CSMD1: variants seen among roughly 807,000 people sequenced by gnomAD.
CSMD1 encodes CUB and Sushi multiple domains 1.
CSMD1 carries 213 observed loss-of-function variants against 417.5 expected under a neutral mutation model. The observed-to-expected ratio is 0.51, with a 90% CI of 0.46 to 0.57. CSMD1 has a LOEUF of 0.57. Ranked by LOEUF, CSMD1 falls within the 20% of genes least tolerant of loss-of-function variation. CSMD1 has a pLI of 0.00. For missense variants in CSMD1, 6,923 were observed against 4,529.7 expected (o/e 1.53, Z -15.17); for synonymous variants, 2,862 against 1,736.8 (o/e 1.65, Z -16.11).
At chr8:4,698,598 A>ATTTTTTT (rs3990377) in intron 1 of CSMD1, among the ~76,000 whole-genome samples, 1 of 145,866 alleles carries the variant, frequency 6.9e-6, no homozygotes, top group African/African-American at 2.6e-5. Context: ...AATGATAGAA[A>ATTTTTTT]TTTTTTTTTT....
intron 28 of CSMD1, among the ~76,000 whole-genome samples, chr8:3,222,757 A>G (rs1255635000): frequency 6.6e-6 from 1 of 152,242 alleles, no homozygotes; most frequent in African/African-American, 2.4e-5. Flanking sequence ...GTAATAGCTG[A>G]GTAACATTTG....
intron 3 of CSMD1, among the ~76,000 whole-genome samples, chr8:4,086,113 A>G (rs377513023): frequency 3.9e-4 from 59 of 152,338 alleles, no homozygotes; most frequent in African/African-American, 1.4e-3. Context: ...TAGTTATTCT[A>G]TGAGGTAGAT....
chr8:4,208,231 A>G (rs976103562), intron 3 of CSMD1, among the ~76,000 whole-genome samples: 1 of 152,160 alleles, frequency 6.6e-6, no homozygotes, highest in African/African-American at 2.4e-5. Flanking sequence ...TTTGAAAGGT[A>G]ACTGCTCCTG....
At chr8:3,471,987 A>G (rs35542721) in intron 11 of CSMD1, among the ~76,000 whole-genome samples, 66,202 of 151,646 alleles carry the variant, frequency 0.44, 14,706 homozygotes, top group East Asian at 0.58. Context: ...TCAGCACCCT[A>G]CTCATCTGTG....
chr8:4,664,414 A>C (rs558875396), intron 1 of CSMD1, among the ~76,000 whole-genome samples: 11 of 152,034 alleles, frequency 7.2e-5, no homozygotes, highest in Admixed American at 1.3e-4. Flanking sequence ...ACGAAAATTG[A>C]ATGTTCCTGG....
chr8:3,723,765 G>T (rs1043498878), intron 6 of CSMD1, among the ~76,000 whole-genome samples: 1 of 152,116 alleles, frequency 6.6e-6, no homozygotes, highest in Admixed American at 6.5e-5. Context: ...ACTAACATTT[G>T]AAAGAGATGC....
chr8:4,660,564 A>G (rs73190836), intron 1 of CSMD1, among the ~76,000 whole-genome samples: 3,405 of 152,260 alleles, frequency 0.022, 61 homozygotes, highest in Non-Finnish European at 0.036. Context: ...GGAATACCTA[A>G]AATAATTTTA....
At chr8:3,392,387 C>G (rs923558237) in intron 17 of CSMD1, among the ~76,000 whole-genome samples, 15 of 152,118 alleles carry the variant, frequency 9.9e-5, no homozygotes, top group African/African-American at 3.6e-4. Context: ...GTGCCTGCAT[C>G]TTGGCTTCAG....
intron 3 of CSMD1, among the ~76,000 whole-genome samples, chr8:4,090,685 T>A (rs1800670776): frequency 6.6e-6 from 1 of 152,222 alleles, no homozygotes; most frequent in African/African-American, 2.4e-5. Flanking sequence ...TTTCCTAATT[T>A]TATCTCTAGT....
At chr8:4,900,677 T>C (rs190474855) in intron 1 of CSMD1, among the ~76,000 whole-genome samples, 2 of 152,332 alleles carry the variant, frequency 1.3e-5, no homozygotes, top group Admixed American at 1.3e-4. Flanking sequence ...TCCAAGGAGA[T>C]TTGCAAATGT....
chr8:4,149,455 G>A (rs1341777736), intron 3 of CSMD1, among the ~76,000 whole-genome samples: 1 of 152,066 alleles, frequency 6.6e-6, no homozygotes, highest in South Asian at 2.1e-4. Flanking sequence ...GCCAATAAAA[G>A]GAAATCTTCC....
chr8:4,498,649 T>C lies in CSMD1; in HGVS notation c.303-78584A>G, dbSNP rs1025129690. Among the ~76,000 whole-genome samples, 16 of 152,336 alleles carry C rather than the reference T, an allele frequency of 1.1e-4. No homozygotes were observed. The South Asian group carries it at 3.3e-3, about 32-fold the overall frequency. On this transcript the variant is annotated intron_variant, in intron 2 of 69. Coordinates refer to ENST00000635120, the MANE Select transcript of CSMD1 (RefSeq NM_033225.6). ...AAATAAAGTTACTTCTTTCTAATTT[T>C]ATCTGCAAAGAGGGAGCTCATGTTT...
At chr8:3,787,874 G>T (rs373260112) in intron 5 of CSMD1, among the ~76,000 whole-genome samples, 1 of 152,202 alleles carries the variant, frequency 6.6e-6, no homozygotes, top group Non-Finnish European at 1.5e-5. Flanking sequence ...AATAGTATAA[G>T]TATGAGAGAG....
At chr8:4,185,952 C>T (rs927439812) in intron 3 of CSMD1, among the ~76,000 whole-genome samples, 20 of 152,236 alleles carry the variant, frequency 1.3e-4, no homozygotes, top group African/African-American at 4.6e-4. Flanking sequence ...AGCTTAAGGT[C>T]TACGGTGGAA....
intron 3 of CSMD1, among the ~76,000 whole-genome samples, chr8:4,041,279 A>T (rs1465501167): frequency 1.4e-5 from 2 of 139,860 alleles, no homozygotes; most frequent in African/African-American, 5.3e-5. Context: ...GGCCTCCCAA[A>T]GTACGGGGAT....
At chr8:3,554,524 G>A (rs530774224) in intron 10 of CSMD1, among the ~76,000 whole-genome samples, 1 of 152,162 alleles carries the variant, frequency 6.6e-6, no homozygotes. Flanking sequence ...GTGGAATTGA[G>A]ATAATTGGTA....
At chr8:4,079,405 T>G (rs1585267958) in intron 3 of CSMD1, among the ~76,000 whole-genome samples, 1 of 152,348 alleles carries the variant, frequency 6.6e-6, no homozygotes, top group Non-Finnish European at 1.5e-5. Flanking sequence ...TCATGTCTAT[T>G]TTAACTCTGG....
At chr8:3,287,942 T>C (rs1275175742) in intron 25 of CSMD1, among the ~76,000 whole-genome samples, 1 of 146,444 alleles carries the variant, frequency 6.8e-6, no homozygotes, top group Non-Finnish European at 1.5e-5. Context: ...TGTGGGTTTG[T>C]CATAGATAGC....
At chr8:3,147,277 A>G (rs570271111) in intron 40 of CSMD1, among the ~76,000 whole-genome samples, 181 of 152,324 alleles carry the variant, frequency 1.2e-3, no homozygotes, top group Non-Finnish European at 2.0e-3. Flanking sequence ...TTCATACTCA[A>G]TAATCTTCTA....
Sources: gnomAD v4.1 joint callset for allele counts (sites outside exome capture counted in the v4.1 genomes callset) on GRCh38, gnomAD v4.1.1 for gene constraint, MANE v1.5 for transcripts, NCBI Gene and HGNC (gene_info 2026-07-23, HGNC 2026-07-21) for gene names.